The following FAM170A variants were observed in gnomAD, a reference collection of about 807,000 sequenced individuals.
FAM170A encodes the protein family with sequence similarity 170 member A.
Under a neutral mutation model 36.6 loss-of-function variants are expected in FAM170A, and 28 were observed. That is an observed-to-expected ratio of 0.76 (90% CI 0.57 to 1.05). The LOEUF (loss-of-function observed/expected upper bound fraction) is 1.05, where lower values mean the gene tolerates loss of function less well. Ranked by LOEUF, FAM170A falls within the 50% of genes least tolerant of loss-of-function variation. The probability of loss-of-function intolerance (pLI) is 0.00; values close to 1 mark genes in which losing one functional copy is unlikely to be tolerated. For missense variants in FAM170A, 434 were observed against 396.5 expected, an observed-to-expected ratio of 1.09 and a Z score of -0.80; for synonymous variants, 156 against 143.9, an observed-to-expected ratio of 1.08 and a Z score of -0.60.
At chr5:119,629,635 T>C in exon 1 of FAM170A, 1 of 663,592 alleles carries the variant, frequency 1.5e-6, no homozygotes, top group South Asian at 1.7e-5. Context: ...TCTTTAGCTA[T>C]CTCGGAGATT....
chr5:119,629,838 G>A (rs1256142301), exon 1 of FAM170A: 1 of 1,612,400 alleles, frequency 6.2e-7, no homozygotes, highest in South Asian at 1.1e-5. Flanking sequence ...GAAGGGAGGA[G>A]GTATGTGCGG....
At chr5:119,631,335 G>T (rs1326245418) in intron 1 of FAM170A, among the ~76,000 whole-genome samples, 1 of 152,118 alleles carries the variant, frequency 6.6e-6, no homozygotes, top group African/African-American at 2.4e-5. Context: ...GAAGGGGAAG[G>T]CAATGGTTTT....
rs773981255 is a variant in FAM170A, at chr5:119,634,610, A to G, written c.862A>G (p.Lys288Glu). 4 of 1,612,878 alleles carry G rather than the reference A, an allele frequency of 2.5e-6. No homozygotes were observed. The East Asian group carries it at 6.7e-5, about 27-fold the overall frequency. ...GCAGGAGGAGGAAAATGGAAATGAG[A>G]AGGAGGAGGAAGAGAAACCAGAAGC... is the stretch of plus-strand genomic sequence containing the variant. The change falls in exon 3 of 5, where the codon AAG becomes GAG. Residue 288 changes from lysine to glutamate, a missense_variant. By Grantham distance (56) the Lys-to-Glu change is moderately conservative (BLOSUM62 1). Transcript: ENST00000613773.
exon 2 of FAM170A, chr5:119,632,811 G>A (rs1324945606): frequency 6.2e-7 from 1 of 1,613,202 alleles, no homozygotes; most frequent in Non-Finnish European, 8.5e-7. Flanking sequence ...AAAGGCTGGA[G>A]CCAAGGGGTG....
rs1406776115 is a variant in FAM170A, at chr5:119,634,961, A to T, written c.987-70A>T. 1.9e-6 allele frequency: 3 copies of T among 1,601,974 alleles called. No homozygotes were observed. The African/African-American group carries it at 4.0e-5, about 21-fold the overall frequency. On this transcript the variant is annotated intron_variant, in intron 3 of 4. Coordinates refer to ENST00000613773, the Ensembl canonical transcript of FAM170A. ...TCTTGACCTTTCCAGCTCCTGCAGG[A>T]AATTCTGAGAATTTCAAAAGTCGCA...
At chr5:119,635,038 T>G (rs570211876) in exon 4 of FAM170A, 1 of 1,614,134 alleles carries the variant, frequency 6.2e-7, no homozygotes, top group Non-Finnish European at 8.5e-7. Context: ...CAGCTGAGAC[T>G]TATGGGCCAG....
At chr5:119,632,144 C>T (rs1438685601) in intron 1 of FAM170A, among the ~76,000 whole-genome samples, 1 of 152,140 alleles carries the variant, frequency 6.6e-6, no homozygotes, top group African/African-American at 2.4e-5. Flanking sequence ...TCTGATGACC[C>T]TTATAAATTC....
At chr5:119,630,986 C>T (rs1206830729) in intron 1 of FAM170A, among the ~76,000 whole-genome samples, 2 of 152,178 alleles carry the variant, frequency 1.3e-5, no homozygotes, top group Non-Finnish European at 2.9e-5. Flanking sequence ...ATTGCTTCAG[C>T]GGGAAGAATT....
At position 119,634,566 on chromosome 5, in the gene FAM170A, CAGAG is replaced by C. The variant is rs1561525095; in HGVS notation, c.821_824del (p.Glu274AlafsTer36). 1 of 1,613,180 alleles carries C rather than the reference CAGAG, an allele frequency of 6.2e-7. No homozygotes were observed. Among genetic ancestry groups the C allele is most frequent in the African/African-American group, 1.3e-5 (1 of 74,892 alleles). On this transcript the variant is annotated frameshift_variant, in exon 3 of 5. Coordinates refer to ENST00000613773, the Ensembl canonical transcript of FAM170A. LOFTEE classifies it high-confidence loss of function. ...GCTCAGCTGACAGGCAACATGGAATCAGAGAGCACCCAAGATGAGCAGGAGGAGG... is the reference window on the plus strand; with the variant it reads ...GCTCAGCTGACAGGCAACATGGAATCAGCACCCAAGATGAGCAGGAGGAGG...
intron 1 of FAM170A, among the ~76,000 whole-genome samples, chr5:119,630,479 CCTT>C (rs1017198404): frequency 2.0e-5 from 3 of 152,140 alleles, no homozygotes; most frequent in African/African-American, 7.2e-5. Context: ...CCAGCCTGAG[CCTT>C]CTTTAGGGAG....
chr5:119,631,669 TACTC>T (rs1756255062), intron 1 of FAM170A, among the ~76,000 whole-genome samples: 1 of 152,190 alleles, frequency 6.6e-6, no homozygotes, highest in Non-Finnish European at 1.5e-5. Flanking sequence ...CTCTATTACA[TACTC>T]ACACAACCCA....
chr5:119,634,078 T>G lies in FAM170A; in HGVS notation c.330T>G (p.Tyr110Ter). The G allele has an allele frequency of 6.2e-7, 1 of 1,614,172 alleles. No individual in the cohort carries two copies. Among genetic ancestry groups the G allele is most frequent in the South Asian group, 1.1e-5 (1 of 91,078 alleles). The change falls in exon 3 of 5, where the codon TAT (tyrosine) becomes TAG (stop). Residue 110 changes from tyrosine to a stop codon, truncating the protein, a stop_gained. Coordinates refer to ENST00000613773, the Ensembl canonical transcript of FAM170A. LOFTEE classifies it high-confidence loss of function. The stretch of plus-strand genomic sequence containing the variant: ...TCTCCTTGTCGTCCTATTCATCCTA[T>G]AAGACTTGTGTGTCCTCTCTGTGTG...
chr5:119,633,688 C>T (rs1397778828), intron 2 of FAM170A, among the ~76,000 whole-genome samples: 1 of 152,092 alleles, frequency 6.6e-6, no homozygotes, highest in African/African-American at 2.4e-5. Flanking sequence ...AACTCACATC[C>T]TCATAGCACA....
At chr5:119,633,411 T>G (rs1756299202) in intron 2 of FAM170A, among the ~76,000 whole-genome samples, 1 of 152,086 alleles carries the variant, frequency 6.6e-6, no homozygotes, top group South Asian at 2.1e-4. Flanking sequence ...AGTCTGCTGT[T>G]GGGGTGTAGG....
intron 2 of FAM170A, 75 bp downstream of exon 2, chr5:119,632,963 G>T: frequency 6.9e-7 from 1 of 1,448,064 alleles, no homozygotes. Context: ...ATTTGAGTGT[G>T]GGGCTCTGTG....
chr5:119,632,683 G>A, intron 1 of FAM170A, 65 bp from the exon 2 acceptor site: 1 of 1,419,224 alleles, frequency 7.0e-7, no homozygotes, highest in South Asian at 1.5e-5. Flanking sequence ...ATATTTGTTG[G>A]ATGGTAAATG....
exon 1 of FAM170A, chr5:119,629,572 C>G (rs904556598): frequency 8.8e-6 from 4 of 452,768 alleles, no homozygotes; most frequent in African/African-American, 8.0e-5. Context: ...CTTAACAGCC[C>G]TGCAGTGTAG....
chr5:119,634,090 G>A, exon 3 of FAM170A: 3 of 1,614,118 alleles, frequency 1.9e-6, no homozygotes, highest in South Asian at 1.1e-5. Flanking sequence ...AGACTTGTGT[G>A]TCCTCTCTGT....
chr5:119,630,597 C>G (rs530565916), intron 1 of FAM170A, among the ~76,000 whole-genome samples: 1 of 152,254 alleles, frequency 6.6e-6, no homozygotes, highest in East Asian at 1.9e-4. Context: ...GTGAGACGGA[C>G]AGGAAGTTCA....
Sources: allele counts gnomAD v4.1 joint callset (sites outside exome capture counted in the v4.1 genomes callset), GRCh38; gene constraint gnomAD v4.1.1; transcripts MANE v1.5; gene names NCBI Gene and HGNC (gene_info 2026-07-23, HGNC 2026-07-21).